CCSER2: variants seen among roughly 807,000 people sequenced by gnomAD.
CCSER2 encodes coiled-coil serine rich protein 2.
CCSER2 carries 46 observed loss-of-function variants against 92.3 expected under a neutral mutation model. The observed-to-expected ratio is 0.50, with a 90% CI of 0.39 to 0.64. The LOEUF (loss-of-function observed/expected upper bound fraction) is 0.64, where lower values mean the gene tolerates loss of function less well. Among genes scored for constraint, CCSER2 ranks in the 30% least tolerant of loss-of-function variants. The probability of loss-of-function intolerance (pLI) is 0.00; values close to 1 mark genes in which losing one functional copy is unlikely to be tolerated. For synonymous variants in CCSER2, 433 were observed against 431.4 expected (o/e 1.00, Z -0.04); for missense variants, 1,244 against 1,238.9 (o/e 1.00, Z -0.06).
chr10:84,328,816 C>G lies in CCSER2; in HGVS notation c.-40+8C>G, dbSNP rs529493262. The G allele has an allele frequency of 2.6e-5, 4 of 151,528 alleles. No homozygotes were observed. Among genetic ancestry groups the G allele is most frequent in the Non-Finnish European group, 4.4e-5 (3 of 67,926 alleles). 9.4% of individuals were successfully genotyped at this position (151,528 alleles called of 1,614,324 possible). A position where few individuals can be genotyped will look rare whatever the true frequency, so the allele number is the denominator to read the frequency against. ...CAGCGCGACCTCCGCACGGTGAGAT[C>G]CGGGCTCAGGGCCAGAGCCGGGGCC... is the stretch of plus-strand genomic sequence containing the variant. On this transcript the variant is annotated splice_region_variant and intron_variant, in intron 1 of 9. Transcript: ENST00000372088.
Position 84,372,079 on chromosome 10 carries a change from C to T in CCSER2, c.1027C>T (p.Pro343Ser), listed in dbSNP as rs759648396. 1.2e-6 allele frequency: 2 copies of T among 1,613,778 alleles called. No individual in the cohort carries two copies. Among genetic ancestry groups the T allele is most frequent in the African/African-American group, 1.3e-5 (1 of 75,004 alleles). Residue 343 changes from proline (P) to serine (S), a missense_variant, in exon 2 of 10, where the codon CCT becomes TCT. Transcript: ENST00000372088. ...GACAGTTGATGGAAATAAAAATTCA[C>T]CTGCTGACACATGTGTAGAGGAAGA... ...TMTVDGNKNS[P>S]ADTCVEEDAT...
At chr10:84,364,692 C>A (rs1227050796) in intron 1 of CCSER2, among the ~76,000 whole-genome samples, 1 of 150,544 alleles carries the variant, frequency 6.6e-6, no homozygotes, top group Non-Finnish European at 1.5e-5. Flanking sequence ...AAGCGAGAAG[C>A]TTGATTTACA....
intron 1 of CCSER2, among the ~76,000 whole-genome samples, chr10:84,367,911 A>T (rs375869564): frequency 6.6e-6 from 1 of 151,990 alleles, no homozygotes; most frequent in Non-Finnish European, 1.5e-5. Flanking sequence ...CTCAGGCTTA[A>T]TTTGGATACC....
intron 3 of CCSER2, among the ~76,000 whole-genome samples, chr10:84,415,200 G>A (rs1029085224): frequency 2.0e-5 from 3 of 152,134 alleles, no homozygotes; most frequent in African/African-American, 7.2e-5. Flanking sequence ...GAGAAGTGTT[G>A]CGGTCATTTG....
intron 9 of CCSER2, among the ~76,000 whole-genome samples, chr10:84,482,276 C>T (rs1383904155): frequency 2.0e-5 from 3 of 152,142 alleles, no homozygotes; most frequent in Admixed American, 2.0e-4. Flanking sequence ...GGGCAAAATA[C>T]CCGGATACAA....
intron 6 of CCSER2, among the ~76,000 whole-genome samples, chr10:84,445,199 G>T (rs951244105): frequency 1.3e-5 from 2 of 152,096 alleles, no homozygotes; most frequent in African/African-American, 4.8e-5. Flanking sequence ...TGTCGCCCAG[G>T]CTGGAGTGCA....
intron 3 of CCSER2, among the ~76,000 whole-genome samples, chr10:84,393,121 A>G (rs1283017004): frequency 2.6e-5 from 4 of 152,122 alleles, no homozygotes; most frequent in Admixed American, 2.0e-4. Flanking sequence ...TTCATTAAGA[A>G]TATAGACATA....
chr10:84,472,294 C>T (rs1386438134), intron 8 of CCSER2, among the ~76,000 whole-genome samples: 3 of 152,022 alleles, frequency 2.0e-5, no homozygotes, highest in Admixed American at 2.0e-4. Context: ...GGAGGCTGGG[C>T]ATGGTAGCTC....
intron 1 of CCSER2, among the ~76,000 whole-genome samples, chr10:84,342,717 CA>C (rs1426717135): frequency 1.3e-5 from 2 of 152,048 alleles, no homozygotes; most frequent in Non-Finnish European, 2.9e-5. Flanking sequence ...GTGTACTACT[CA>C]TTCCCCCGCA....
intron 1 of CCSER2, among the ~76,000 whole-genome samples, chr10:84,370,537 G>T (rs978717725): frequency 1.3e-5 from 2 of 152,020 alleles, no homozygotes; most frequent in Non-Finnish European, 1.5e-5. Context: ...GGATTTTCTA[G>T]ATATATAATC....
intron 1 of CCSER2, among the ~76,000 whole-genome samples, chr10:84,350,463 A>G (rs755853533): frequency 5.3e-5 from 8 of 152,122 alleles, no homozygotes; most frequent in Non-Finnish European, 8.8e-5. Context: ...GCATTTTTGT[A>G]TACCTAGCAC....
intron 3 of CCSER2, among the ~76,000 whole-genome samples, chr10:84,395,979 A>G (rs985642127): frequency 6.6e-6 from 1 of 152,124 alleles, no homozygotes; most frequent in Non-Finnish European, 1.5e-5. Context: ...ACTGACAATT[A>G]TATGTATACA....
intron 1 of CCSER2, among the ~76,000 whole-genome samples, chr10:84,367,212 A>G (rs1845818691): frequency 6.6e-6 from 1 of 151,740 alleles, no homozygotes; most frequent in Non-Finnish European, 1.5e-5. Context: ...TTCCCTCCAT[A>G]GATTTTTTTT....
chr10:84,502,612 C>T (rs2131847683), intron 9 of CCSER2, among the ~76,000 whole-genome samples: 1 of 152,112 alleles, frequency 6.6e-6, no homozygotes, highest in South Asian at 2.1e-4. Context: ...ACCTTGTGAT[C>T]TACCTGGCTG....
At chr10:84,349,956 C>G (rs528189810) in intron 1 of CCSER2, among the ~76,000 whole-genome samples, 3 of 152,276 alleles carry the variant, frequency 2.0e-5, no homozygotes, top group East Asian at 3.9e-4. Flanking sequence ...GAGTTCAAGA[C>G]CAGCCTGGCT....
chr10:84,475,871 C>T (rs1470132025), intron 8 of CCSER2, among the ~76,000 whole-genome samples: 1 of 152,076 alleles, frequency 6.6e-6, no homozygotes, highest in African/African-American at 2.4e-5. Flanking sequence ...CTCACTCTGT[C>T]ACCCAGGATG....
intron 2 of CCSER2, among the ~76,000 whole-genome samples, chr10:84,372,881 G>T (rs1023670790): frequency 5.9e-5 from 9 of 151,910 alleles, no homozygotes; most frequent in African/African-American, 2.2e-4. Context: ...GATAATATAG[G>T]TTATGTCTAA....
chr10:84,390,822 G>A, intron 3 of CCSER2: 1 of 515,914 alleles, frequency 1.9e-6, no homozygotes, highest in South Asian at 2.1e-5. Context: ...GAGGATTTAT[G>A]GAGATGATCT....
At chr10:84,377,683 T>C (rs1406152888) in intron 3 of CCSER2, among the ~76,000 whole-genome samples, 3 of 152,192 alleles carry the variant, frequency 2.0e-5, no homozygotes, top group Admixed American at 2.0e-4. Context: ...TGCAGGGATT[T>C]TGAATGGGAT....
Sources: allele counts gnomAD v4.1 joint callset (sites outside exome capture counted in the v4.1 genomes callset), GRCh38; gene constraint gnomAD v4.1.1; transcripts MANE v1.5; gene names NCBI Gene and HGNC (gene_info 2026-07-23, HGNC 2026-07-21).